C11orf21: variants seen among roughly 807,000 people sequenced by gnomAD.
C11orf21 encodes chromosome 11 open reading frame 21, also known as uncharacterized protein C11orf21.
In C11orf21, 19 loss-of-function variants were observed where a neutral mutation model predicts 15.2. That is an observed-to-expected ratio of 1.25 (90% CI 0.87 to 1.84). The LOEUF is 1.84. Among genes scored for constraint, C11orf21 ranks in the 40% most tolerant of loss-of-function variants. The probability of loss-of-function intolerance (pLI) is 0.00; values close to 1 mark genes in which losing one functional copy is unlikely to be tolerated. For missense variants in C11orf21, 171 were observed against 174.4 expected (o/e 0.98, Z 0.11); for synonymous variants, 62 against 66.8 (o/e 0.93, Z 0.35).
upstream of C11orf21, chr11:2,302,122 G>A: frequency 3.4e-6 from 5 of 1,484,870 alleles, no homozygotes; most frequent in Non-Finnish European, 4.5e-6. Flanking sequence ...GGGAAGGGAG[G>A]GGAGGAGAGG....
chr11:2,301,144 T>G, intron 1 of C11orf21: 1 of 271,560 alleles, frequency 3.7e-6, no homozygotes. Context: ...TCCAGCAGCG[T>G]TCCTGAGCGG....
intron 3 of C11orf21, among the ~76,000 whole-genome samples, chr11:2,298,568 G>A (rs955962356): frequency 4.0e-5 from 6 of 151,836 alleles, no homozygotes; most frequent in African/African-American, 7.3e-5. Flanking sequence ...GCCCAGGCCC[G>A]GGGGGTCACT....
upstream of C11orf21, chr11:2,302,066 G>A (rs1038473009): frequency 1.9e-5 from 29 of 1,493,408 alleles, no homozygotes; most frequent in Non-Finnish European, 2.6e-5. Context: ...CTCCTGGGCA[G>A]TGAGCTGCGG....
chr11:2,298,738 G>A (rs1321098895), intron 3 of C11orf21, among the ~76,000 whole-genome samples: 1 of 152,202 alleles, frequency 6.6e-6, no homozygotes, highest in African/African-American at 2.4e-5. Context: ...CAGCGTGGAT[G>A]TGGATAGAGA....
chr11:2,299,551 C>A lies in C11orf21; in HGVS notation c.304G>T (p.Ala102Ser). 1 of 1,550,742 alleles carries A rather than the reference C, an allele frequency of 6.4e-7. No homozygotes were observed. Among genetic ancestry groups the A allele is most frequent in the Non-Finnish European group, 8.7e-7 (1 of 1,146,990 alleles). The change falls in exon 3 of 4, where the codon GCT (alanine) becomes TCT (serine). Residue 102 changes from alanine (A) to serine (S), a missense_variant. Physicochemically the swap from Ala to Ser is moderately conservative, Grantham distance 99. Coordinates refer to ENST00000381153, the MANE Select transcript of C11orf21 (RefSeq NM_001329958.2). Reference protein sequence around the residue: ...CLSLPGQLPLAIRLGWDLDLE... With the variant: ...CLSLPGQLPLSIRLGWDLDLE... Reference sequence around the variant, plus strand: ...TCCAAGTCCCATCCCAGCCGGATAGCCAGGGGCAACTGCCCAGGTAAACTG... The same window carrying A: ...TCCAAGTCCCATCCCAGCCGGATAGACAGGGGCAACTGCCCAGGTAAACTG...
At position 2,299,514 on chromosome 11, in the gene C11orf21, C is replaced by T. The variant is rs995250840; in HGVS notation, c.341G>A (p.Gly114Asp). The T allele has an allele frequency of 1.5e-5, 23 of 1,550,404 alleles. No individual in the cohort carries two copies. The highest frequency in any genetic ancestry group is 1.8e-5 in the Non-Finnish European group (21 of 1,146,980). Residue 114 changes from glycine to aspartate, a missense_variant, in exon 3 of 4, where the codon GGC (glycine) becomes GAC (aspartate). By Grantham distance (94) the Gly-to-Asp change is moderately conservative. Transcript: ENST00000381153. ...AGGACACAGCTTTCCAGAGGAGGGG[C>T]CTGCTTCTAAGTCCAAGTCCCATCC... ...RLGWDLDLEA[G>D]PSSGKLCPRA... is the part of the protein sequence containing the mutation.
At chr11:2,301,922 G>C (rs1847773550), upstream of C11orf21, 1 of 1,531,796 alleles carries the variant, frequency 6.5e-7, no homozygotes, top group African/African-American at 1.4e-5. Context: ...CTGGGCTGGG[G>C]GCACCAGGGT....
At chr11:2,299,840 ATCCACGCC>A in intron 2 of C11orf21, 133 bp from the exon 3 acceptor site, 2 of 472,718 alleles carry the variant, frequency 4.2e-6, no homozygotes, top group South Asian at 3.3e-5. Context: ...CTGCACACGC[ATCCACGCC>A]TGCACACGCA....
chr11:2,302,068 G>A (rs1330531364), upstream of C11orf21: 28 of 1,493,900 alleles, frequency 1.9e-5, no homozygotes, highest in South Asian at 2.5e-4. Context: ...CCTGGGCAGT[G>A]AGCTGCGGTC....
In C11orf21 at chr11:2,300,621, GAGA is replaced by G. The variant is rs771694679; in HGVS notation, c.54-11_54-9del. ...GGCCACCTGGGCACAGCGCTGGTGT[GAGA>G]AGGAGGCCATCAGGACAGGTCAAGA... is the stretch of plus-strand genomic sequence containing the variant. On this transcript the variant is annotated splice_polypyrimidine_tract_variant and intron_variant, in intron 1 of 3. Transcript: ENST00000381153. The G allele has an allele frequency of 1.3e-6, 2 of 1,550,654 alleles. No individual in the cohort carries two copies. Among genetic ancestry groups the G allele is most frequent in the Admixed American group, 2.0e-5 (1 of 50,970 alleles).
At chr11:2,301,423 C>G (rs1847739630) in intron 1 of C11orf21, 1 of 248,290 alleles carries the variant, frequency 4.0e-6, no homozygotes, top group East Asian at 8.8e-5. Flanking sequence ...GCAGCGCTGC[C>G]CCCACCCATA....
In C11orf21 at chr11:2,299,627, A is replaced by C; in HGVS notation, c.228T>G (p.His76Gln). Residue 76 changes from histidine (H) to glutamine (Q), a missense_variant, in exon 3 of 4, where the codon CAT (histidine) becomes CAG (glutamine). By Grantham distance (24) the His-to-Gln change is conservative. Coordinates refer to ENST00000381153, the MANE Select transcript of C11orf21 (RefSeq NM_001329958.2). ...HGALVPPATAHEPVDHPALHW... is the reference protein window; with the variant it reads ...HGALVPPATAQEPVDHPALHW... Reference sequence around the variant, plus strand: ...GCAGAGCTGGGTGATCCACAGGTTCATGAGCGGTGGCAGGTGGAACAAGGG... The same window carrying C: ...GCAGAGCTGGGTGATCCACAGGTTCCTGAGCGGTGGCAGGTGGAACAAGGG... The C allele has an allele frequency of 6.4e-7, 1 of 1,551,140 alleles. No homozygotes were observed. Among genetic ancestry groups the C allele is most frequent in the Non-Finnish European group, 8.7e-7 (1 of 1,146,942 alleles).
At chr11:2,299,395 C>T in intron 3 of C11orf21, 33 bp downstream of exon 3, 1 of 1,536,876 alleles carries the variant, frequency 6.5e-7, no homozygotes, top group South Asian at 1.2e-5. Context: ...CACAGGGGCC[C>T]CCAGGCTCCA....
At chr11:2,301,124 C>T in intron 1 of C11orf21, 2 of 315,938 alleles carry the variant, frequency 6.3e-6, no homozygotes, top group South Asian at 3.1e-5. Flanking sequence ...GCGGTGGCCT[C>T]AGCAGTTCCT....
rs1847627876 is a variant in C11orf21, at chr11:2,299,679, G to T, written c.176C>A (p.Ala59Glu). The change falls in exon 3 of 4, where the codon GCA (alanine) becomes GAA (glutamate). Residue 59 changes from alanine to glutamate, a missense_variant. Transcript: ENST00000381153. Reference protein sequence around the residue: ...QEAPGSMMPPAAAQPSAHGAL... With the variant: ...QEAPGSMMPPEAAQPSAHGAL... ...ACCATGGGCGGAGGGTTGGGCAGCT[G>T]CAGGTGGCATCATTGAGCCAGGGGC... 7.7e-6 allele frequency: 12 copies of T among 1,551,086 alleles called. No homozygotes were observed. Among genetic ancestry groups the T allele is most frequent in the Non-Finnish European group, 1.0e-5 (12 of 1,146,914 alleles).
At position 2,298,666 on chromosome 11, in the gene C11orf21, G is replaced by A. The variant is rs569485384; in HGVS notation, c.*29-745C>T. On this transcript the variant is annotated intron_variant, in intron 3 of 3. Transcript: ENST00000381153. ...GGGGTGCCGAGTCTCAGCCCAGGCT[G>A]GGGTGGCCCAGGCAGGACAGCAGGC... Among the ~76,000 whole-genome samples the A allele has an allele frequency of 2.3e-4, 35 of 152,322 alleles. 1 individual carries two copies. The East Asian group carries it at 6.0e-3, about 26-fold the overall frequency.
chr11:2,299,845 CGCCTGCACACGCATCCAT>C (rs1033268645), intron 2 of C11orf21, 138 bp from the exon 3 acceptor site: 9 of 437,860 alleles, frequency 2.1e-5, no homozygotes, highest in Admixed American at 5.0e-5. Context: ...CACGCATCCA[CGCCTGCACACGCATCCAT>C]GCCTGCACAT....
In C11orf21 at chr11:2,300,592, G is replaced by A. The variant is rs1276691321; in HGVS notation, c.75C>T (p.His25=). ...GRRSAVPRWP[H]LSSQSGVEPP... ...GTTCGACGCCACTTTGAGATGACAA[G>A]TGAGGCCACCTGGGCACAGCGCTGG... The change falls in exon 2 of 4, where the codon CAC becomes CAT. Residue 25 remains histidine, a synonymous_variant. Transcript: ENST00000381153. 48 of 1,550,204 alleles carry A rather than the reference G, an allele frequency of 3.1e-5. No individual in the cohort carries two copies. The highest frequency in any genetic ancestry group is 4.0e-5 in the Non-Finnish European group (46 of 1,146,760).
In C11orf21 at chr11:2,300,568, T is replaced by C; in HGVS notation, c.99A>G (p.Glu33=). 1.3e-6 allele frequency: 2 copies of C among 1,549,676 alleles called. No homozygotes were observed. The highest frequency in any genetic ancestry group is 1.7e-6 in the Non-Finnish European group (2 of 1,146,596). ...GGGTTCCCGTCCACCTGTCAGGGGGTTCGACGCCACTTTGAGATGACAAGT... is the reference window on the plus strand; with the variant it reads ...GGGTTCCCGTCCACCTGTCAGGGGGCTCGACGCCACTTTGAGATGACAAGT... ...WPHLSSQSGV[E]PPDRWTGTPG... is the part of the protein sequence containing the mutation. Residue 33 remains glutamate, a synonymous_variant, in exon 2 of 4, where the codon GAA becomes GAG. Transcript: ENST00000381153.
Sources: gnomAD v4.1 joint callset for allele counts (sites outside exome capture counted in the v4.1 genomes callset) on GRCh38, gnomAD v4.1.1 for gene constraint, MANE v1.5 for transcripts, NCBI Gene and HGNC (gene_info 2026-07-23, HGNC 2026-07-21) for gene names.